Variants in CNTNAP2 observed in about 807,000 individuals in gnomAD.
CNTNAP2 encodes the protein contactin-associated protein-like 2.
A neutral mutation model predicts 155.2 loss-of-function variants in CNTNAP2; 98 were observed. The observed-to-expected ratio is 0.63, with a 90% CI of 0.54 to 0.75. CNTNAP2 has a LOEUF of 0.75. Among genes scored for constraint, CNTNAP2 ranks in the 30% least tolerant of loss-of-function variants. The probability of loss-of-function intolerance (pLI) is 0.00; values close to 1 mark genes in which losing one functional copy is unlikely to be tolerated. For missense variants in CNTNAP2, 1,727 were observed against 1,688.1 expected, an observed-to-expected ratio of 1.02 and a Z score of -0.40; for synonymous variants, 651 against 631.2, an observed-to-expected ratio of 1.03 and a Z score of -0.47.
chr7:148,419,360 CAGTA>C lies in CNTNAP2; in HGVS notation c.*3746_*3749del, dbSNP rs1563082441. On this transcript the variant is annotated 3_prime_UTR_variant, in exon 24 of 24. Coordinates refer to ENST00000361727, the MANE Select transcript of CNTNAP2 (RefSeq NM_014141.6). The stretch of plus-strand genomic sequence containing the variant: ...TGATCCTAAACCAGTGCGAAACAAA[CAGTA>C]ACAATGTCCCCAGCTGACTTCAGCT... 1 of 152,216 alleles carries C rather than the reference CAGTA, an allele frequency of 6.6e-6. No homozygotes were observed. Among genetic ancestry groups the C allele is most frequent in the African/African-American group, 2.4e-5 (1 of 41,440 alleles). The allele number at this position is 152,216 out of a possible 1,614,324, so 9.4% of individuals were successfully genotyped here.
At chr7:146,174,151 A>G (rs1341274676) in intron 1 of CNTNAP2, among the ~76,000 whole-genome samples, 1 of 151,956 alleles carries the variant, frequency 6.6e-6, no homozygotes, top group Non-Finnish European at 1.5e-5. Flanking sequence ...GCAGTGAGCT[A>G]TAATCCTGCC....
intron 15 of CNTNAP2, among the ~76,000 whole-genome samples, chr7:148,070,743 TAAATA>T (rs2116529072): frequency 6.6e-6 from 1 of 152,242 alleles, no homozygotes; most frequent in East Asian, 1.9e-4. Context: ...TTAATTAAAT[TAAATA>T]AGAAACAGTT....
chr7:146,880,406 TGGCACCATGTC>T (rs1201990893), intron 3 of CNTNAP2, among the ~76,000 whole-genome samples: 1 of 151,950 alleles, frequency 6.6e-6, no homozygotes, highest in South Asian at 2.1e-4. Flanking sequence ...CTGACCATGC[TGGCACCATGTC>T]GGCACCATGT....
At chr7:146,609,042 C>CT (rs1229949561) in intron 1 of CNTNAP2, among the ~76,000 whole-genome samples, 1 of 152,138 alleles carries the variant, frequency 6.6e-6, no homozygotes, top group Non-Finnish European at 1.5e-5. Flanking sequence ...ACCATGCATA[C>CT]TTGGAGACAC....
intron 8 of CNTNAP2, among the ~76,000 whole-genome samples, chr7:147,283,135 GT>G (rs1805082938): frequency 6.6e-6 from 1 of 151,788 alleles, no homozygotes; most frequent in Non-Finnish European, 1.5e-5. Context: ...TATTTCATGA[GT>G]TTTTTGACAC....
At chr7:147,240,717 G>C (rs906649596) in intron 8 of CNTNAP2, among the ~76,000 whole-genome samples, 1 of 152,156 alleles carries the variant, frequency 6.6e-6, no homozygotes, top group African/African-American at 2.4e-5. Flanking sequence ...GTTTGGTTTG[G>C]CCAGCAGCAG....
At chr7:146,543,515 T>G (rs865965161) in intron 1 of CNTNAP2, among the ~76,000 whole-genome samples, 8 of 151,896 alleles carry the variant, frequency 5.3e-5, no homozygotes, top group African/African-American at 1.9e-4. Flanking sequence ...CCAGAGCGGT[T>G]GTTAAAGATG....
chr7:147,567,439 A>T (rs2116800548), intron 12 of CNTNAP2, among the ~76,000 whole-genome samples: 1 of 152,214 alleles, frequency 6.6e-6, no homozygotes, highest in East Asian at 1.9e-4. Flanking sequence ...TCACTTTGAC[A>T]GCTGTGAATA....
At chr7:147,114,379 C>T (rs552378203) in intron 5 of CNTNAP2, among the ~76,000 whole-genome samples, 2 of 152,184 alleles carry the variant, frequency 1.3e-5, no homozygotes, top group South Asian at 2.1e-4. Context: ...AATTTTCTGC[C>T]TCGATGATCT....
At chr7:148,305,921 C>A (rs1797482979) in intron 21 of CNTNAP2, among the ~76,000 whole-genome samples, 1 of 152,136 alleles carries the variant, frequency 6.6e-6, no homozygotes. Flanking sequence ...GCATGAGATC[C>A]CCCTCCTACC....
At chr7:146,725,128 A>G (rs1453936461) in intron 1 of CNTNAP2, among the ~76,000 whole-genome samples, 2 of 150,556 alleles carry the variant, frequency 1.3e-5, no homozygotes, top group East Asian at 3.9e-4. Flanking sequence ...CTCGGCCTCC[A>G]TGCTCACTCA....
chr7:146,619,072 C>T (rs1224388857), intron 1 of CNTNAP2, among the ~76,000 whole-genome samples: 3 of 143,216 alleles, frequency 2.1e-5, no homozygotes, highest in Non-Finnish European at 4.5e-5. Context: ...GAGACTTCAT[C>T]TCAAAAAAAA....
At chr7:146,120,754 C>A (rs1316153125) in intron 1 of CNTNAP2, among the ~76,000 whole-genome samples, 1 of 151,994 alleles carries the variant, frequency 6.6e-6, no homozygotes, top group African/African-American at 2.4e-5. Context: ...ATGAGATACA[C>A]AAAGAGGCAT....
chr7:147,749,635 G>T (rs941554953), intron 13 of CNTNAP2, among the ~76,000 whole-genome samples: 5 of 152,156 alleles, frequency 3.3e-5, no homozygotes, highest in African/African-American at 1.2e-4. Flanking sequence ...AAGCATTCTT[G>T]TTTCCCCCAC....
intron 10 of CNTNAP2, among the ~76,000 whole-genome samples, chr7:147,434,438 A>C (rs773935515): frequency 6.6e-6 from 1 of 152,206 alleles, no homozygotes; most frequent in Non-Finnish European, 1.5e-5. Flanking sequence ...TATCTATTTC[A>C]TTTTACTGTT....
At chr7:146,162,689 T>G (rs760650417) in intron 1 of CNTNAP2, among the ~76,000 whole-genome samples, 17 of 152,190 alleles carry the variant, frequency 1.1e-4, no homozygotes, top group Non-Finnish European at 2.2e-4. Context: ...ATCATGCTGC[T>G]ATAAAGACAC....
At chr7:148,021,451 G>A (rs1208450059) in intron 15 of CNTNAP2, among the ~76,000 whole-genome samples, 2 of 152,150 alleles carry the variant, frequency 1.3e-5, no homozygotes, top group Non-Finnish European at 2.9e-5. Flanking sequence ...TACATAAATA[G>A]GGAGACACGG....
chr7:147,243,392 G>C (rs78621084), intron 8 of CNTNAP2, among the ~76,000 whole-genome samples: 1 of 152,000 alleles, frequency 6.6e-6, no homozygotes, highest in African/African-American at 2.4e-5. Context: ...TGGACTTACA[G>C]GAAGACCTGT....
At chr7:148,373,959 T>C (rs1289801911) in intron 21 of CNTNAP2, among the ~76,000 whole-genome samples, 1 of 152,236 alleles carries the variant, frequency 6.6e-6, no homozygotes, top group Non-Finnish European at 1.5e-5. Flanking sequence ...GGCTCTGTTT[T>C]CTGAACATCA....
Sources: gnomAD v4.1 joint callset for allele counts (sites outside exome capture counted in the v4.1 genomes callset) on GRCh38, gnomAD v4.1.1 for gene constraint, MANE v1.5 for transcripts, NCBI Gene and HGNC (gene_info 2026-07-23, HGNC 2026-07-21) for gene names.